Variants in NRXN1 observed in about 807,000 individuals in gnomAD.
NRXN1 encodes the protein neurexin-1.
NRXN1 carries 39 observed loss-of-function variants against 150.9 expected under a neutral mutation model. The observed-to-expected ratio is 0.26, with a 90% confidence interval of 0.20 to 0.34. The LOEUF (loss-of-function observed/expected upper bound fraction) is 0.34, where lower values mean the gene tolerates loss of function less well. Among genes scored for constraint, NRXN1 ranks in the 10% least tolerant of loss-of-function variants. The pLI, the probability that NRXN1 is intolerant of heterozygous loss-of-function variation, is 1.00. For missense variants in NRXN1, 1,815 were observed against 1,949.9 expected, an observed-to-expected ratio of 0.93 and a Z score of 1.30; for synonymous variants, 924 against 757.0, an observed-to-expected ratio of 1.22 and a Z score of -3.62.
chr2:50,114,629 GAATA>G (rs1273299924), intron 18 of NRXN1, among the ~76,000 whole-genome samples: 1 of 152,044 alleles, frequency 6.6e-6, no homozygotes, highest in African/African-American at 2.4e-5. Flanking sequence ...GTAGGTGAAT[GAATA>G]AATAAACTGT....
chr2:50,543,625 G>A (rs1010087782), intron 9 of NRXN1, among the ~76,000 whole-genome samples: 3 of 151,964 alleles, frequency 2.0e-5, no homozygotes, highest in Admixed American at 6.5e-5. Flanking sequence ...GTATGCAAAG[G>A]TTCAAAAAAC....
chr2:49,997,110 A>G (rs2152528068), intron 21 of NRXN1, among the ~76,000 whole-genome samples: 1 of 152,316 alleles, frequency 6.6e-6, no homozygotes, highest in Middle Eastern at 3.4e-3. Flanking sequence ...AGATGCTGAA[A>G]TCTTTTTCGA....
chr2:50,234,147 A>T (rs1011429562), intron 18 of NRXN1, among the ~76,000 whole-genome samples: 13 of 151,938 alleles, frequency 8.6e-5, no homozygotes, highest in African/African-American at 3.1e-4. Flanking sequence ...AGGTAAACTT[A>T]GGTAGTAAAA....
intron 21 of NRXN1, among the ~76,000 whole-genome samples, chr2:50,005,771 C>T (rs1336590330): frequency 6.6e-6 from 1 of 152,150 alleles, no homozygotes; most frequent in Non-Finnish European, 1.5e-5. Flanking sequence ...CCAAATTCTA[C>T]AGTTCTCAAA....
At chr2:50,957,047 A>G (rs1475830554) in intron 2 of NRXN1, among the ~76,000 whole-genome samples, 1 of 152,194 alleles carries the variant, frequency 6.6e-6, no homozygotes, top group Non-Finnish European at 1.5e-5. Context: ...TGGGGTTAGA[A>G]TAAGTTAGCT....
intron 22 of NRXN1, among the ~76,000 whole-genome samples, chr2:49,935,010 C>T (rs1237854800): frequency 6.6e-6 from 1 of 152,200 alleles, no homozygotes; most frequent in African/African-American, 2.4e-5. Context: ...CCATCATTAA[C>T]ATTTCCCTTT....
chr2:50,100,028 T>C (rs1257553716), intron 18 of NRXN1, among the ~76,000 whole-genome samples: 2 of 152,152 alleles, frequency 1.3e-5, no homozygotes, highest in Non-Finnish European at 2.9e-5. Flanking sequence ...GTTGAGTTTT[T>C]TGAAACACAT....
At chr2:49,929,330 G>A (rs1389612574) in intron 22 of NRXN1, among the ~76,000 whole-genome samples, 1 of 152,076 alleles carries the variant, frequency 6.6e-6, no homozygotes, top group Non-Finnish European at 1.5e-5. Flanking sequence ...CATCTCCAGG[G>A]GAAGCCATAG....
chr2:50,324,709 G>C (rs2076275190), intron 17 of NRXN1, among the ~76,000 whole-genome samples: 1 of 152,120 alleles, frequency 6.6e-6, no homozygotes, highest in African/African-American at 2.4e-5. Flanking sequence ...GCCCGGCTAA[G>C]TGTGTAAGTC....
intron 10 of NRXN1, among the ~76,000 whole-genome samples, chr2:50,533,753 A>G (rs1332641496): frequency 6.6e-6 from 1 of 152,084 alleles, no homozygotes; most frequent in Non-Finnish European, 1.5e-5. Flanking sequence ...AGATACACCA[A>G]TTTCATGATC....
At chr2:50,340,131 T>C (rs2077452879) in intron 17 of NRXN1, among the ~76,000 whole-genome samples, 1 of 152,158 alleles carries the variant, frequency 6.6e-6, no homozygotes, top group Non-Finnish European at 1.5e-5. Context: ...AAAATGATGA[T>C]CATAAGCCCT....
Position 50,086,728 on chromosome 2 carries a change from T to C in NRXN1, c.3718+4595A>G, listed in dbSNP as rs116667620. ...CTTCCTACAACTGGTTTCCATTTCATTGGTACCTAATGCTGTCTGGTGACA... is the reference window on the plus strand; with the variant it reads ...CTTCCTACAACTGGTTTCCATTTCACTGGTACCTAATGCTGTCTGGTGACA... On this transcript the variant is annotated intron_variant, in intron 19 of 22. Coordinates refer to ENST00000401669, the MANE Select transcript of NRXN1 (RefSeq NM_001330078.2). Among the ~76,000 whole-genome samples, 1,170 of 152,166 alleles carry C rather than the reference T, an allele frequency of 7.7e-3. 10 individuals are homozygous for C. The highest frequency in any genetic ancestry group is 0.026 in the African/African-American group (1,081 of 41,538).
intron 21 of NRXN1, among the ~76,000 whole-genome samples, chr2:49,949,989 G>GAA (rs546920523): frequency 2.0e-5 from 3 of 147,402 alleles, no homozygotes; most frequent in Non-Finnish European, 4.5e-5. Context: ...GAGGTTCCTT[G>GAA]AAAAAAAAAA....
intron 17 of NRXN1, among the ~76,000 whole-genome samples, chr2:50,375,882 G>T (rs186153666): frequency 3.3e-5 from 5 of 151,790 alleles, no homozygotes; most frequent in Admixed American, 2.6e-4. Context: ...ACAATTTTAG[G>T]CTCCGAAATA....
intron 17 of NRXN1, among the ~76,000 whole-genome samples, chr2:50,311,029 T>C (rs2075133594): frequency 6.6e-6 from 1 of 152,166 alleles, no homozygotes; most frequent in Admixed American, 6.5e-5. Flanking sequence ...CGCATGACTA[T>C]TAAAACTTTA....
chr2:50,413,100 A>C (rs2083303890), intron 17 of NRXN1, among the ~76,000 whole-genome samples: 1 of 152,210 alleles, frequency 6.6e-6, no homozygotes, highest in African/African-American at 2.4e-5. Flanking sequence ...CATCACGTTA[A>C]AAAGCTTCTG....
intron 13 of NRXN1, among the ~76,000 whole-genome samples, chr2:50,504,302 C>T (rs573521644): frequency 6.6e-6 from 1 of 152,204 alleles, no homozygotes; most frequent in African/African-American, 2.4e-5. Flanking sequence ...TTACTGAAGT[C>T]AGTGGCTTTT....
chr2:50,461,844 G>A (rs1193256495), intron 17 of NRXN1, among the ~76,000 whole-genome samples: 1 of 151,942 alleles, frequency 6.6e-6, no homozygotes, highest in Admixed American at 6.6e-5. Flanking sequence ...TCTTCAAGCA[G>A]ACATAGTGAA....
At chr2:50,353,369 G>C (rs1234398403) in intron 17 of NRXN1, among the ~76,000 whole-genome samples, 2 of 152,064 alleles carry the variant, frequency 1.3e-5, no homozygotes, top group Non-Finnish European at 2.9e-5. Flanking sequence ...TTGTAGAATT[G>C]TTTCAACCGA....
Sources: gnomAD v4.1 joint callset for allele counts (sites outside exome capture counted in the v4.1 genomes callset) on GRCh38, gnomAD v4.1.1 for gene constraint, MANE v1.5 for transcripts, NCBI Gene and HGNC (gene_info 2026-07-23, HGNC 2026-07-21) for gene names.